Variants in RAI14 observed in about 807,000 individuals in gnomAD.
RAI14 encodes ankycorbin.
In RAI14, 45 loss-of-function variants were observed where a neutral mutation model predicts 115.4. The observed-to-expected ratio is 0.39, with a 90% CI of 0.31 to 0.50. The LOEUF is 0.50. RAI14 is among the 20% of genes least tolerant of loss of function. The pLI is 0.85. For missense variants in RAI14, 939 were observed against 1,131.2 expected (o/e 0.83, Z 2.44); for synonymous variants, 371 against 415.4 (o/e 0.89, Z 1.30).
rs867652620 is a variant in RAI14 at position 34,662,719 on chromosome 5, A to G, written c.-49+6244A>G. 3.2e-4 allele frequency among the ~76,000 whole-genome samples: 25 copies of G among 78,420 alleles called. No homozygotes were observed. In the South Asian group the frequency reaches 0.017, roughly 54 times the overall value. The allele number at this position is 78,420 out of a possible 152,430, so 51.4% of individuals were successfully genotyped here. A position where few individuals can be genotyped will look rare whatever the true frequency, so the allele number is the denominator to read the frequency against. ...TAGTAAAATGTTGCACAATTTAAAC[A>G]GATTTTTTTTTTTTTTTTTTTTTTT... is the stretch of plus-strand genomic sequence containing the variant. On this transcript the variant is annotated intron_variant, in intron 1 of 17. Coordinates refer to ENST00000265109, the MANE Select transcript of RAI14 (RefSeq NM_015577.3).
At chr5:34,665,616 A>G (rs1357757698) in intron 1 of RAI14, among the ~76,000 whole-genome samples, 2 of 151,342 alleles carry the variant, frequency 1.3e-5, no homozygotes, top group Admixed American at 1.3e-4. Context: ...GTTTTGGACC[A>G]TTCTTCCTTG....
At chr5:34,743,849 T>G (rs2150053601) in intron 2 of RAI14, among the ~76,000 whole-genome samples, 1 of 152,224 alleles carries the variant, frequency 6.6e-6, no homozygotes, top group East Asian at 1.9e-4. Flanking sequence ...CACGTAGAAT[T>G]TATAACTTGA....
intron 16 of RAI14, among the ~76,000 whole-genome samples, 181 bp from the exon 17 acceptor site, chr5:34,829,551 G>C (rs1286144525): frequency 6.6e-6 from 1 of 152,002 alleles, no homozygotes; most frequent in African/African-American, 2.4e-5. Flanking sequence ...TAAGATGATT[G>C]ACAAGTATTC....
chr5:34,751,330 C>T (rs775964992), intron 2 of RAI14, among the ~76,000 whole-genome samples: 5 of 148,348 alleles, frequency 3.4e-5, no homozygotes, highest in Admixed American at 6.7e-5. Flanking sequence ...TTAGTAGAGA[C>T]GGGGGTTTCA....
intron 1 of RAI14, among the ~76,000 whole-genome samples, chr5:34,660,130 T>C (rs455213): frequency 0.36 from 54,893 of 151,938 alleles, 11,629 homozygotes; most frequent in South Asian, 0.59. Context: ...GAGCCTAGAT[T>C]ACACCACTGC....
At chr5:34,788,913 G>A (rs59299741) in intron 3 of RAI14, among the ~76,000 whole-genome samples, 4,453 of 152,276 alleles carry the variant, frequency 0.029, 225 homozygotes, top group African/African-American at 0.1. Context: ...AAGTTGCAGT[G>A]AGCCGAGATT....
intron 1 of RAI14, among the ~76,000 whole-genome samples, chr5:34,683,407 A>T (rs1744530101): frequency 6.6e-6 from 1 of 151,814 alleles, no homozygotes; most frequent in Non-Finnish European, 1.5e-5. Context: ...TTCAAATAAG[A>T]GTTTGTATAC....
chr5:34,691,965 T>G (rs1022187884), intron 2 of RAI14, among the ~76,000 whole-genome samples: 2 of 152,164 alleles, frequency 1.3e-5, no homozygotes, highest in African/African-American at 4.8e-5. Context: ...TCTTGCCTAT[T>G]AAGATAACAG....
At chr5:34,691,487 A>C (rs759987787) in intron 2 of RAI14, among the ~76,000 whole-genome samples, 6 of 152,146 alleles carry the variant, frequency 3.9e-5, no homozygotes, top group Non-Finnish European at 7.3e-5. Flanking sequence ...CCACATGGAA[A>C]AATGAGCTGT....
chr5:34,808,459 A>G (rs1755181198), intron 6 of RAI14, 125 bp from the exon 7 acceptor site: 2 of 834,222 alleles, frequency 2.4e-6, no homozygotes, highest in South Asian at 1.7e-5. Context: ...TTTCTCTTCA[A>G]TGCAACTAGA....
intron 1 of RAI14, among the ~76,000 whole-genome samples, chr5:34,660,556 T>A (rs1190791527): frequency 6.6e-6 from 1 of 152,240 alleles, no homozygotes. Flanking sequence ...ACTGGCCGTG[T>A]GACCTTGGAT....
chr5:34,726,246 A>G (rs1351388177), intron 2 of RAI14, among the ~76,000 whole-genome samples: 1 of 152,140 alleles, frequency 6.6e-6, no homozygotes, highest in East Asian at 1.9e-4. Context: ...ATAAAGAACT[A>G]TTGGAACTCA....
Position 34,798,361 on chromosome 5 carries a change from T to TA in RAI14, c.256+2336dup, listed in dbSNP as rs1554006836. ...GCCAGAATAAGTTTTTTTTTTTTTT[T>TA]AATACATGCTTATTGTAGAAAAGTT... On this transcript the variant is annotated intron_variant, in intron 4 of 17. Coordinates refer to ENST00000265109, the MANE Select transcript of RAI14 (RefSeq NM_015577.3). Among the ~76,000 whole-genome samples, 1,028 of 149,954 alleles carry TA rather than the reference T, an allele frequency of 6.9e-3. 13 individuals are homozygous for TA. Among genetic ancestry groups the TA allele is most frequent in the African/African-American group, 0.02 (831 of 40,948 alleles).
intron 3 of RAI14, among the ~76,000 whole-genome samples, chr5:34,771,176 G>A (rs1053329179): frequency 6.6e-6 from 1 of 152,200 alleles, no homozygotes; most frequent in African/African-American, 2.4e-5. Context: ...GAGCATCAGT[G>A]CTTCCATCTG....
chr5:34,811,363 T>C (rs569232511), intron 8 of RAI14, among the ~76,000 whole-genome samples: 1 of 152,182 alleles, frequency 6.6e-6, no homozygotes, highest in Non-Finnish European at 1.5e-5. Context: ...CTAATGTGAA[T>C]AAACAATTTC....
chr5:34,696,512 C>A (rs1013739216), intron 2 of RAI14, among the ~76,000 whole-genome samples: 2 of 152,168 alleles, frequency 1.3e-5, no homozygotes, highest in African/African-American at 4.8e-5. Flanking sequence ...TAGAGCTTGC[C>A]CCAACCTAGC....
At chr5:34,775,293 A>G (rs1266162091) in intron 3 of RAI14, among the ~76,000 whole-genome samples, 1 of 152,254 alleles carries the variant, frequency 6.6e-6, no homozygotes, top group African/African-American at 2.4e-5. Flanking sequence ...AAGCTTCTGC[A>G]CAGCAAAAGA....
rs199657623 is a variant in RAI14 at position 34,725,962 on chromosome 5, C to CAAAAAAAAAA, written c.37-31499_37-31490dup. Among the ~76,000 whole-genome samples the CAAAAAAAAAA allele has an allele frequency of 1.8e-5, 2 of 113,744 alleles. 1 individual carries two copies. 74.6% of individuals were successfully genotyped at this position (113,744 alleles called of 152,430 possible). A position where few individuals can be genotyped will look rare whatever the true frequency, so the allele number is the denominator to read the frequency against. On this transcript the variant is annotated intron_variant, in intron 2 of 17. Coordinates refer to ENST00000265109, the MANE Select transcript of RAI14 (RefSeq NM_015577.3). ...GGGCAACAGGAGCGAAACTGCTTCT[C>CAAAAAAAAAA]AAAAAAAAAAAAAAAAGCCACAAAT...
chr5:34,735,293 G>A (rs1744728934), intron 2 of RAI14, among the ~76,000 whole-genome samples: 1 of 152,130 alleles, frequency 6.6e-6, no homozygotes, highest in Admixed American at 6.6e-5. Flanking sequence ...CTTGTTTACG[G>A]TGAATCTTGT....
Sources: gnomAD v4.1 joint callset for allele counts (sites outside exome capture counted in the v4.1 genomes callset) on GRCh38, gnomAD v4.1.1 for gene constraint, MANE v1.5 for transcripts, NCBI Gene and HGNC (gene_info 2026-07-23, HGNC 2026-07-21) for gene names.